The following CHTF18 variants were observed in gnomAD, a reference collection of about 807,000 sequenced individuals.
The protein encoded by CHTF18 is chromosome transmission fidelity protein 18 homolog.
CHTF18 carries 151 observed loss-of-function variants against 113.4 expected under a neutral mutation model. The observed-to-expected ratio is 1.33, with a 90% CI of 1.17 to 1.52. The LOEUF is 1.52. CHTF18 is among the 40% of genes most tolerant of loss of function. The probability of loss-of-function intolerance (pLI) is 0.00; values close to 1 mark genes in which losing one functional copy is unlikely to be tolerated. For synonymous variants in CHTF18, 916 were observed against 598.8 expected, an observed-to-expected ratio of 1.53 and a Z score of -7.74; for missense variants, 1,982 against 1,381.6, an observed-to-expected ratio of 1.43 and a Z score of -6.89.
At chr16:797,646 G>T in intron 20 of CHTF18, 48 bp from the exon 21 acceptor site, 2 of 1,597,966 alleles carry the variant, frequency 1.3e-6, no homozygotes, top group South Asian at 1.1e-5. Flanking sequence ...GGTAGGGGCT[G>T]GATGGGGCAT....
At chr16:790,883 C>T (rs1443278446) in intron 7 of CHTF18, 1 of 1,432,366 alleles carries the variant, frequency 7.0e-7, no homozygotes, top group Non-Finnish European at 9.1e-7. Context: ...CAGGGTGTCA[C>T]CTGATCCAAG....
In CHTF18 at chr16:789,560, G is replaced by A; in HGVS notation, c.451G>A (p.Ala151Thr). 1.2e-6 allele frequency: 2 copies of A among 1,601,668 alleles called. No individual in the cohort carries two copies. The highest frequency in any genetic ancestry group is 2.2e-5 in the East Asian group (1 of 44,718). The change falls in exon 4 of 22, where the codon GCT becomes ACT. Residue 151 changes from alanine to threonine, a missense_variant. Coordinates refer to ENST00000262315, the MANE Select transcript of CHTF18 (RefSeq NM_022092.3). ...ELWGHGVSEAAADVGLTRASP... is the reference protein window; with the variant it reads ...ELWGHGVSEATADVGLTRASP... ...GTCTCTCTCCAGAGTCTCAGAAGCT[G>A]CTGCCGACGTGGGTCTCACACGGGC... is the stretch of plus-strand genomic sequence containing the variant.
chr16:793,985 C>T, intron 14 of CHTF18, 69 bp from the exon 15 acceptor site: 4 of 1,546,976 alleles, frequency 2.6e-6, no homozygotes, highest in East Asian at 2.3e-5. Context: ...TCTGAGTGTC[C>T]CGGGGAGACG....
rs758206958 is a variant in CHTF18 at position 788,949 on chromosome 16, C to T, written c.110C>T (p.Pro37Leu). Reference sequence around the variant, plus strand: ...CCAGCAGGGGCGTCGACTCCGTCGCCCTCCGGGGTCCCCCTGTTCACCGCG... The same window carrying T: ...CCAGCAGGGGCGTCGACTCCGTCGCTCTCCGGGGTCCCCCTGTTCACCGCG... Reference protein sequence around the residue: ...AELEGASTPSPSGVPLFTAGR... With the variant: ...AELEGASTPSLSGVPLFTAGR... Residue 37 changes from proline (P) to leucine (L), a missense_variant, in exon 2 of 22, where the codon CCC (proline) becomes CTC (leucine). Pro to Leu is a moderately conservative substitution (Grantham distance 98). Coordinates refer to ENST00000262315, the MANE Select transcript of CHTF18 (RefSeq NM_022092.3). The T allele has an allele frequency of 1.8e-5, 28 of 1,561,770 alleles. No homozygotes were observed. The South Asian group carries it at 1.9e-4, about 11-fold the overall frequency.
At position 788,748 on chromosome 16, in the gene CHTF18, G is replaced by A. The variant is rs778695815; in HGVS notation, c.64G>A (p.Glu22Lys). 1.9e-6 allele frequency: 3 copies of A among 1,601,120 alleles called. No homozygotes were observed. The highest frequency in any genetic ancestry group is 1.7e-5 in the Admixed American group (1 of 58,668). ...EDDFHNQFAA[E>K]LEVLAELEGA... ...TGATTTCCACAACCAGTTCGCGGCC[G>A]AGCTGGAGGTGCTGGCAGAGCTGGA... is the stretch of plus-strand genomic sequence containing the variant. Residue 22 changes from glutamate (E) to lysine (K), a missense_variant, in exon 1 of 22, where the codon GAG becomes AAG. Physicochemically the swap from Glu to Lys is moderately conservative, Grantham distance 56. Coordinates refer to ENST00000262315, the MANE Select transcript of CHTF18 (RefSeq NM_022092.3).
chr16:792,039 C>A, intron 9 of CHTF18, 91 bp downstream of exon 9: 1 of 1,547,862 alleles, frequency 6.5e-7, no homozygotes, highest in South Asian at 1.2e-5. Flanking sequence ...TGGATGTTCC[C>A]GTCTTGAGGG....
At chr16:791,818 T>G (rs771339530) in intron 8 of CHTF18, 33 bp from the exon 9 acceptor site, 1 of 1,572,912 alleles carries the variant, frequency 6.4e-7, no homozygotes, top group South Asian at 1.2e-5. Context: ...GTAGGTGCGG[T>G]GCACACTACG....
intron 21 of CHTF18, 31 bp downstream of exon 21, chr16:797,782 G>C: frequency 6.3e-7 from 1 of 1,599,668 alleles, no homozygotes; most frequent in Non-Finnish European, 8.5e-7. Context: ...GGGTTGTGGG[G>C]GGCCTGGGGG....
At position 790,268 on chromosome 16, in the gene CHTF18, A is replaced by T; in HGVS notation, c.698A>T (p.Glu233Val). 1 of 1,607,444 alleles carries T rather than the reference A, an allele frequency of 6.2e-7. No individual in the cohort carries two copies. The highest frequency in any genetic ancestry group is 8.5e-7 in the Non-Finnish European group (1 of 1,177,930). Residue 233 changes from glutamate (E) to valine (V), a missense_variant and splice_region_variant, in exon 5 of 22, where the codon GAG becomes GTG. Physicochemically the swap from Glu to Val is moderately radical, Grantham distance 121. Transcript: ENST00000262315. The stretch of plus-strand genomic sequence containing the variant: ...TCCCTGAAGAAGCAGGTCGACGGCG[A>T]GGTAGGGGCTGCGGGTTTGCTGGGG... ...LASLKKQVDG[E>V]RRERLLQEAQ...
chr16:790,570 T>C lies in CHTF18; in HGVS notation c.798T>C (p.Pro266=), dbSNP rs1310026318. The change falls in exon 7 of 22, where the codon CCT becomes CCC. Residue 266 remains proline (P), a synonymous_variant. Transcript: ENST00000262315. ...EEEAAQPLGA[P]EEEPTDGQDA... ...AGGCAGCCCAGCCCTTGGGGGCCCC[T>C]GAGGAGGAGCCGACTGACGGTCAAG... The C allele has an allele frequency of 4.4e-6, 7 of 1,597,044 alleles. No individual in the cohort carries two copies. Among genetic ancestry groups the C allele is most frequent in the Non-Finnish European group, 5.1e-6 (6 of 1,172,946 alleles).
rs565850771 is a variant in CHTF18, at chr16:795,154, G to T, written c.1973G>T (p.Arg658Leu). The T allele has an allele frequency of 2.4e-5, 38 of 1,552,716 alleles. No individual in the cohort carries two copies. The Admixed American group carries it at 6.2e-4, about 25-fold the overall frequency. ...CAGGGCTTGTTTGACAACTTCCTGCGTCTGCGGCTGCGAGACTCCAGCCTG... is the reference window on the plus strand; with the variant it reads ...CAGGGCTTGTTTGACAACTTCCTGCTTCTGCGGCTGCGAGACTCCAGCCTG... ...VVQGLFDNFLRLRLRDSSLGA... is the reference protein window; with the variant it reads ...VVQGLFDNFLLLRLRDSSLGA... Residue 658 changes from arginine to leucine, a missense_variant, in exon 16 of 22, where the codon CGT (arginine) becomes CTT (leucine). Coordinates refer to ENST00000262315, the MANE Select transcript of CHTF18 (RefSeq NM_022092.3).
chr16:791,375 GC>G lies in CHTF18; in HGVS notation c.1104+9del, dbSNP rs748908080. 2 of 1,594,140 alleles carry G rather than the reference GC, an allele frequency of 1.3e-6. No homozygotes were observed. Among genetic ancestry groups the G allele is most frequent in the Non-Finnish European group, 1.7e-6 (2 of 1,173,228 alleles). On this transcript the variant is annotated splice_donor_region_variant and intron_variant, in intron 8 of 21. Transcript: ENST00000262315. ...AGCCAGCGACCGAAGCAGAAGGTGA[GC>G]CCCGCTGGCTGTGCCGCCGGGAACA...
chr16:797,836 C>T lies in CHTF18; in HGVS notation c.2792-3C>T, dbSNP rs1315430164. On this transcript the variant is annotated splice_polypyrimidine_tract_variant and splice_region_variant and intron_variant, in intron 21 of 21. Coordinates refer to ENST00000262315, the MANE Select transcript of CHTF18 (RefSeq NM_022092.3). ...GCTGAGGAGCAACCCTGTGGCCCCG[C>T]AGGGGACACGGCCCCGGAGCAGGAC... is the stretch of plus-strand genomic sequence containing the variant. 1.2e-6 allele frequency: 2 copies of T among 1,600,896 alleles called. No homozygotes were observed. The highest frequency in any genetic ancestry group is 1.7e-6 in the Non-Finnish European group (2 of 1,174,476).
chr16:797,228 A>C, intron 20 of CHTF18, 136 bp downstream of exon 20: 1 of 993,326 alleles, frequency 1.0e-6, no homozygotes, highest in South Asian at 2.2e-5. Context: ...AGGGCCCCTC[A>C]TGAGGCAGGG....
In CHTF18 at chr16:797,952, C is replaced by CTG; in HGVS notation, c.2907_2908dup (p.Tyr970CysfsTer33). 1 of 1,612,258 alleles carries CTG rather than the reference C, an allele frequency of 6.2e-7. No homozygotes were observed. The highest frequency in any genetic ancestry group is 1.1e-5 in the South Asian group (1 of 91,028). Reference sequence around the variant, plus strand: ...TGTCTCCAACGCCGTGCGGCGCAGCCTGTACATCAGGGACTTGCTCTAGTT... The same window carrying CTG: ...TGTCTCCAACGCCGTGCGGCGCAGCCTGTGTACATCAGGGACTTGCTCTAGTT... On this transcript the variant is annotated frameshift_variant, in exon 22 of 22. Transcript: ENST00000262315. LOFTEE classifies it high-confidence loss of function.
chr16:794,328 G>A (rs1231766670), intron 15 of CHTF18, 127 bp downstream of exon 15: 18 of 1,105,600 alleles, frequency 1.6e-5, no homozygotes, highest in Admixed American at 5.1e-5. Flanking sequence ...AGGCAGGTTC[G>A]GGAAATGGGG....
intron 8 of CHTF18, chr16:791,628 G>C (rs1486680952): frequency 7.0e-7 from 1 of 1,430,614 alleles, no homozygotes; most frequent in Non-Finnish European, 9.1e-7. Flanking sequence ...CAGTCACACT[G>C]GTATCAGCTG....
At position 796,752 on chromosome 16, in the gene CHTF18, C is replaced by T; in HGVS notation, c.2492C>T (p.Pro831Leu). The T allele has an allele frequency of 2.5e-6, 4 of 1,606,570 alleles. No homozygotes were observed. The highest frequency in any genetic ancestry group is 1.7e-4 in the Middle Eastern group (1 of 6,056). The change falls in exon 19 of 22, where the codon CCT (proline) becomes CTT (leucine). Residue 831 changes from proline to leucine, a missense_variant. Pro to Leu is a moderately conservative substitution (Grantham distance 98). Coordinates refer to ENST00000262315, the MANE Select transcript of CHTF18 (RefSeq NM_022092.3). ...GAACTCTGCCGCTTCCCTGAGCTGCCTGCCCGCAAGCCCCTCACCTACCAG... is the reference window on the plus strand; with the variant it reads ...GAACTCTGCCGCTTCCCTGAGCTGCTTGCCCGCAAGCCCCTCACCTACCAG... The part of the protein sequence containing the change: ...VEELCRFPEL[P>L]ARKPLTYQTK...
In CHTF18 at chr16:789,419, C is replaced by T. The variant is rs368065131; in HGVS notation, c.437+59C>T. ...CTGTCCAGTGGGACTCAGATGGAGC[C>T]CATCCCGTGCCCTGGATGAGGCCTG... On this transcript the variant is annotated intron_variant, in intron 3 of 21. Transcript: ENST00000262315. 7.8e-6 allele frequency: 12 copies of T among 1,533,254 alleles called. No homozygotes were observed. The Admixed American group carries it at 2.0e-4, about 25-fold the overall frequency. The allele number at this position is 1,533,254 out of a possible 1,614,324, so 95.0% of individuals were successfully genotyped here. A position where few individuals can be genotyped will look rare whatever the true frequency, so the allele number is the denominator to read the frequency against.
Sources: allele counts gnomAD v4.1 joint callset, GRCh38; gene constraint gnomAD v4.1.1; transcripts MANE v1.5; gene names NCBI Gene and HGNC (gene_info 2026-07-23, HGNC 2026-07-21).